The following GABRA5 variants were observed in gnomAD, a reference collection of about 807,000 sequenced individuals.
The protein encoded by GABRA5 is gamma-aminobutyric acid type A receptor subunit alpha5.
GABRA5 carries 18 observed loss-of-function variants against 47.3 expected under a neutral mutation model. The observed-to-expected ratio is 0.38, with a 90% CI of 0.26 to 0.56. The LOEUF (loss-of-function observed/expected upper bound fraction) is 0.56, where lower values mean the gene tolerates loss of function less well. Ranked by LOEUF, GABRA5 falls within the 20% of genes least tolerant of loss-of-function variation. The pLI, the probability that GABRA5 is intolerant of heterozygous loss-of-function variation, is 0.71. For synonymous variants in GABRA5, 237 were observed against 229.3 expected, an observed-to-expected ratio of 1.03 and a Z score of -0.30; for missense variants, 365 against 599.3, an observed-to-expected ratio of 0.61 and a Z score of 4.08.
intron 6 of GABRA5, among the ~76,000 whole-genome samples, chr15:26,895,225 C>T (rs1893152993): frequency 6.6e-6 from 1 of 152,026 alleles, no homozygotes; most frequent in Non-Finnish European, 1.5e-5. Flanking sequence ...ATGGCTGCCA[C>T]TGCCACAGCT....
intron 6 of GABRA5, among the ~76,000 whole-genome samples, chr15:26,892,266 T>C (rs1202653444): frequency 6.6e-6 from 1 of 152,268 alleles, no homozygotes; most frequent in Non-Finnish European, 1.5e-5. Context: ...GTCCCCCGTG[T>C]GCCAGCCACA....
chr15:26,876,351 T>C (rs1892596956), intron 3 of GABRA5, among the ~76,000 whole-genome samples: 1 of 152,084 alleles, frequency 6.6e-6, no homozygotes, highest in Admixed American at 6.5e-5. Flanking sequence ...GGAGGTTAAG[T>C]GCACACAAAA....
intron 6 of GABRA5, among the ~76,000 whole-genome samples, chr15:26,886,612 T>G (rs1404743285): frequency 6.6e-6 from 1 of 152,184 alleles, no homozygotes; most frequent in Non-Finnish European, 1.5e-5. Context: ...CACAGGAATT[T>G]GAGCTCATTT....
intron 7 of GABRA5, among the ~76,000 whole-genome samples, chr15:26,916,665 G>A (rs1017777053): frequency 6.6e-6 from 1 of 152,092 alleles, no homozygotes; most frequent in African/African-American, 2.4e-5. Context: ...CTTGGGTAGT[G>A]TGGACATTTT....
chr15:26,944,779 G>A (rs1461003547), intron 10 of GABRA5, among the ~76,000 whole-genome samples: 2 of 152,126 alleles, frequency 1.3e-5, no homozygotes, highest in South Asian at 4.1e-4. Flanking sequence ...CACCTGCCTG[G>A]GACATAGATG....
intron 6 of GABRA5, among the ~76,000 whole-genome samples, chr15:26,908,367 T>C (rs139890871): frequency 3.9e-5 from 6 of 152,198 alleles, no homozygotes; most frequent in Non-Finnish European, 7.4e-5. Flanking sequence ...GCAGCATCCC[T>C]ACTGGTGTGC....
intron 3 of GABRA5, among the ~76,000 whole-genome samples, chr15:26,876,355 CA>C (rs1356450342): frequency 6.6e-6 from 1 of 151,996 alleles, no homozygotes; most frequent in African/African-American, 2.4e-5. Context: ...GTTAAGTGCA[CA>C]CAAAAAGGAA....
chr15:26,922,436 T>G (rs1166672332), intron 7 of GABRA5, among the ~76,000 whole-genome samples: 1 of 152,214 alleles, frequency 6.6e-6, no homozygotes, highest in Non-Finnish European at 1.5e-5. Context: ...TTTCATGTTT[T>G]TACTTTCAGC....
intron 3 of GABRA5, among the ~76,000 whole-genome samples, chr15:26,874,748 A>C (rs1271497031): frequency 6.6e-6 from 1 of 150,530 alleles, no homozygotes; most frequent in Non-Finnish European, 1.5e-5. Flanking sequence ...ACTCTATTTT[A>C]TTTGTATTTA....
chr15:26,910,552 A>C (rs974090082), intron 6 of GABRA5, among the ~76,000 whole-genome samples: 4 of 151,608 alleles, frequency 2.6e-5, no homozygotes, highest in Non-Finnish European at 4.4e-5. Flanking sequence ...GTGAGCCAAG[A>C]TCATGCCACT....
intron 6 of GABRA5, among the ~76,000 whole-genome samples, chr15:26,894,481 C>A (rs1403350827): frequency 6.6e-6 from 1 of 152,152 alleles, no homozygotes; most frequent in African/African-American, 2.4e-5. Flanking sequence ...TGCGCCTCTT[C>A]CACACAATTT....
chr15:26,911,722 TG>T (rs1893598796), intron 6 of GABRA5, among the ~76,000 whole-genome samples: 2 of 152,098 alleles, frequency 1.3e-5, no homozygotes, highest in Non-Finnish European at 2.9e-5. Context: ...TGCAATGGCC[TG>T]GTGGATTGGA....
Position 26,883,045 on chromosome 15 carries a change from A to G in GABRA5, c.209-121A>G, listed in dbSNP as rs559996556. 1 of 785,458 alleles carries G rather than the reference A, an allele frequency of 1.3e-6. No homozygotes were observed. Among genetic ancestry groups the G allele is most frequent in the South Asian group, 1.4e-5 (1 of 71,536 alleles). The allele number at this position is 785,458 out of a possible 1,614,324, so 48.7% of individuals were successfully genotyped here. ...ATTGTCAAGTCCTCCAAATTTACCA[A>G]ACGCACTGCAAAAGCCCCCGGTTGC... On this transcript the variant is annotated intron_variant, in intron 4 of 10. Transcript: ENST00000335625. This position sits in a 1 kb window ranked among gnomAD's most constrained non-coding sequence, Gnocchi z 4.8.
In GABRA5 at chr15:26,948,434, G is replaced by A. The variant is rs1233815410; in HGVS notation, c.*201G>A. On this transcript the variant is annotated 3_prime_UTR_variant, in exon 11 of 11. Transcript: ENST00000335625. The stretch of plus-strand genomic sequence containing the variant: ...TTCCAAGATGTCCCATTGATAATTC[G>A]AGCAAACAACTTTCTGGAAAAACAG... 1.4e-5 allele frequency: 8 copies of A among 575,706 alleles called. No individual in the cohort carries two copies. Among genetic ancestry groups the A allele is most frequent in the Admixed American group, 3.2e-5 (1 of 30,800 alleles). The allele number at this position is 575,706 out of a possible 1,614,324, so 35.7% of individuals were successfully genotyped here.
intron 6 of GABRA5, among the ~76,000 whole-genome samples, chr15:26,887,876 C>T (rs916106927): frequency 3.9e-5 from 6 of 152,144 alleles, no homozygotes; most frequent in African/African-American, 1.2e-4. Flanking sequence ...TCAGCATATC[C>T]GTCACCTCAA....
intron 7 of GABRA5, among the ~76,000 whole-genome samples, chr15:26,926,037 A>C (rs1234932127): frequency 6.6e-6 from 1 of 151,986 alleles, no homozygotes; most frequent in Non-Finnish European, 1.5e-5. Context: ...TTTGCACCTC[A>C]CTCTCCAGCT....
chr15:26,930,895 CTT>C (rs555799476), intron 7 of GABRA5, among the ~76,000 whole-genome samples: 1,846 of 114,924 alleles, frequency 0.016, 14 homozygotes, highest in African/African-American at 0.058. Flanking sequence ...TCTTTCTTTT[CTT>C]TTTTTTTTTT....
At chr15:26,877,566 G>A (rs762683655) in intron 3 of GABRA5, 4 of 408,428 alleles carry the variant, frequency 9.8e-6, no homozygotes, top group Non-Finnish European at 1.9e-5. Context: ...CTCACTGTAT[G>A]TAAGTCAGAA....
intron 3 of GABRA5, among the ~76,000 whole-genome samples, chr15:26,874,205 A>T (rs920189661): frequency 6.6e-6 from 1 of 152,244 alleles, no homozygotes; most frequent in Admixed American, 6.5e-5. Context: ...AGCAAAAATA[A>T]AAAGAAATCT....
Sources: gnomAD v4.1 joint callset for allele counts (sites outside exome capture counted in the v4.1 genomes callset) on GRCh38, gnomAD v4.1.1 for gene constraint, Gnocchi (gnomAD v3.1) non-coding constraint, MANE v1.5 for transcripts, NCBI Gene and HGNC (gene_info 2026-07-23, HGNC 2026-07-21) for gene names.